SSBP2: variants seen among roughly 807,000 people sequenced by gnomAD.
SSBP2 encodes the protein single-stranded DNA-binding protein 2.
In SSBP2, 17 loss-of-function variants were observed where a neutral mutation model predicts 61.8. That is an observed-to-expected ratio of 0.28 (90% CI 0.19 to 0.41). The LOEUF (loss-of-function observed/expected upper bound fraction) is 0.41. Ranked by LOEUF, SSBP2 falls within the 10% of genes least tolerant of loss-of-function variation. The pLI is 1.00. For synonymous variants in SSBP2, 139 were observed against 141.3 expected, an observed-to-expected ratio of 0.98 and a Z score of 0.12; for missense variants, 310 against 458.7, an observed-to-expected ratio of 0.68 and a Z score of 2.96.
chr5:81,687,201 C>CA (rs1752878809), intron 1 of SSBP2, among the ~76,000 whole-genome samples: 1 of 152,230 alleles, frequency 6.6e-6, no homozygotes, highest in South Asian at 2.1e-4. Context: ...AGGGAGAGCA[C>CA]AGTGACTGTG....
intron 5 of SSBP2, among the ~76,000 whole-genome samples, chr5:81,500,847 A>G (rs1299651079): frequency 6.6e-6 from 1 of 152,122 alleles, no homozygotes; most frequent in Non-Finnish European, 1.5e-5. Context: ...GACTAATGCT[A>G]AAAGTATAAA....
chr5:81,548,967 T>C (rs1277355042), intron 4 of SSBP2, among the ~76,000 whole-genome samples: 6 of 152,188 alleles, frequency 3.9e-5, no homozygotes, highest in Admixed American at 3.9e-4. Context: ...TTTCATAAAC[T>C]GAAATTTTAT....
rs370326288 is a variant in SSBP2, at chr5:81,423,994, C to T, written c.1057-3461G>A. Among the ~76,000 whole-genome samples the T allele has an allele frequency of 7.9e-5, 12 of 152,172 alleles. No individual in the cohort carries two copies. The East Asian group carries it at 1.5e-3, about 20-fold the overall frequency. On this transcript the variant is annotated intron_variant, in intron 16 of 16. Transcript: ENST00000320672. ...AAGTCAATCTTACAGAAAAATGATACTTTGTTACTGATTTGTTGGGAAGTT... is the reference window on the plus strand; with the variant it reads ...AAGTCAATCTTACAGAAAAATGATATTTTGTTACTGATTTGTTGGGAAGTT...
intron 1 of SSBP2, among the ~76,000 whole-genome samples, chr5:81,695,124 G>GT (rs1174446131): frequency 6.6e-6 from 1 of 152,148 alleles, no homozygotes; most frequent in Non-Finnish European, 1.5e-5. Context: ...AAATGCCACT[G>GT]TAACAGATTT....
At chr5:81,746,535 T>G (rs141182267) in intron 1 of SSBP2, among the ~76,000 whole-genome samples, 1 of 152,224 alleles carries the variant, frequency 6.6e-6, no homozygotes, top group Non-Finnish European at 1.5e-5. Flanking sequence ...GGGGAATGCT[T>G]TAATTACTTT....
rs937381201 is a variant in SSBP2, at chr5:81,593,888, T to G, written c.282+21585A>C. ...ACTGGTACCAGCCACTGCAAAAACT[T>G]GCCAAATTGTAAAGACCATCAAGGC... On this transcript the variant is annotated intron_variant, in intron 4 of 16. Coordinates refer to ENST00000320672, the MANE Select transcript of SSBP2 (RefSeq NM_012446.5). 2.7e-4 allele frequency among the ~76,000 whole-genome samples: 41 copies of G among 152,190 alleles called. 1 individual carries two copies. The highest frequency in any genetic ancestry group is 2.2e-4 in the Non-Finnish European group (15 of 68,034).
intron 4 of SSBP2, among the ~76,000 whole-genome samples, chr5:81,529,394 A>G (rs940778121): frequency 6.6e-5 from 10 of 152,192 alleles, no homozygotes; most frequent in Non-Finnish European, 1.5e-4. Context: ...AGAAACTTGC[A>G]TATTTATGCC....
At position 81,739,164 on chromosome 5, in the gene SSBP2, C is replaced by CAAAA. The variant is rs71000859; in HGVS notation, c.62+11813_62+11816dup. On this transcript the variant is annotated intron_variant, in intron 1 of 16. Coordinates refer to ENST00000320672, the MANE Select transcript of SSBP2 (RefSeq NM_012446.5). ...TGGTGACAGAGTGAGACTCCATCTC[C>CAAAA]AAAAAAAAAAAAAAAAAAAAAAAAA... Among the ~76,000 whole-genome samples, 240 of 51,082 alleles carry CAAAA rather than the reference C, an allele frequency of 4.7e-3. 9 individuals carry two copies. Among genetic ancestry groups the CAAAA allele is most frequent in the African/African-American group, 0.012 (173 of 13,998 alleles). 33.5% of individuals were successfully genotyped at this position (51,082 alleles called of 152,430 possible).
At position 81,501,279 on chromosome 5, in the gene SSBP2, ACACATG is replaced by A. The variant is rs1249760111; in HGVS notation, c.373-11976_373-11971del. Among the ~76,000 whole-genome samples the A allele has an allele frequency of 4.8e-5, 6 of 125,854 alleles. No individual in the cohort carries two copies. The South Asian group carries it at 1.3e-3, about 27-fold the overall frequency. The allele number at this position is 125,854 out of a possible 152,430, so 82.6% of individuals were successfully genotyped here. A position where few individuals can be genotyped will look rare whatever the true frequency, so the allele number is the denominator to read the frequency against. The stretch of plus-strand genomic sequence containing the variant: ...TATATATATATATATACACACACAC[ACACATG>A]CACATACACCCACACACATGCATAC... On this transcript the variant is annotated intron_variant, in intron 5 of 16. Transcript: ENST00000320672.
chr5:81,708,495 G>A (rs566235803), intron 1 of SSBP2, among the ~76,000 whole-genome samples: 3 of 152,010 alleles, frequency 2.0e-5, no homozygotes, highest in South Asian at 2.1e-4. Flanking sequence ...TGACCAATGC[G>A]TCATGTTAGA....
chr5:81,587,372 A>G lies in SSBP2; in HGVS notation c.282+28101T>C, dbSNP rs188455918. 1.9e-4 allele frequency among the ~76,000 whole-genome samples: 29 copies of G among 152,346 alleles called. 1 individual carries two copies. The highest frequency in any genetic ancestry group is 1.6e-3 in the Admixed American group (24 of 15,310). On this transcript the variant is annotated intron_variant, in intron 4 of 16. Transcript: ENST00000320672. ...GCAAACAAAAAAGAAAGATTTTACCATAACAACTAAGCCAAATTTAGAAAA... is the reference window on the plus strand; with the variant it reads ...GCAAACAAAAAAGAAAGATTTTACCGTAACAACTAAGCCAAATTTAGAAAA...
chr5:81,445,150 ATATATATATATATATATATATATATATG>A (rs1319782527), intron 12 of SSBP2, among the ~76,000 whole-genome samples: 15 of 75,318 alleles, frequency 2.0e-4, no homozygotes, highest in Middle Eastern at 5.7e-3. Context: ...ATATATATAT[ATATATATATATATATATATATATATATG>A]TATGTATTTA....
chr5:81,588,788 G>A (rs975212348), intron 4 of SSBP2, among the ~76,000 whole-genome samples: 10 of 152,148 alleles, frequency 6.6e-5, no homozygotes, highest in Admixed American at 2.6e-4. Context: ...TAATGGGCCC[G>A]TGCAGTGGTC....
intron 13 of SSBP2, among the ~76,000 whole-genome samples, chr5:81,441,040 C>T (rs1762998871): frequency 6.6e-6 from 1 of 152,148 alleles, no homozygotes. Context: ...AATTCAATGT[C>T]ATTATGACAA....
At chr5:81,623,362 G>T (rs1581192180) in intron 3 of SSBP2, among the ~76,000 whole-genome samples, 1 of 132,644 alleles carries the variant, frequency 7.5e-6, no homozygotes, top group Non-Finnish European at 1.5e-5. Flanking sequence ...TTGAGACGGA[G>T]TCTCGCTCTG....
At chr5:81,450,459 T>C (rs1323828238) in intron 10 of SSBP2, among the ~76,000 whole-genome samples, 1 of 152,232 alleles carries the variant, frequency 6.6e-6, no homozygotes, top group Non-Finnish European at 1.5e-5. Flanking sequence ...CCTATCATCA[T>C]TCTTAAGCAA....
At chr5:81,748,251 C>A (rs1008944899) in intron 1 of SSBP2, among the ~76,000 whole-genome samples, 1 of 152,076 alleles carries the variant, frequency 6.6e-6, no homozygotes, top group Admixed American at 6.5e-5. Flanking sequence ...GTATTTGTTA[C>A]AGAAACAAAT....
chr5:81,531,350 T>TA (rs992516380), intron 4 of SSBP2, among the ~76,000 whole-genome samples: 4 of 150,274 alleles, frequency 2.7e-5, no homozygotes, highest in East Asian at 2.0e-4. Flanking sequence ...TCAGTTAAAC[T>TA]AAAAAAAAAT....
intron 3 of SSBP2, among the ~76,000 whole-genome samples, chr5:81,629,414 C>A (rs1191152585): frequency 6.6e-6 from 1 of 152,240 alleles, no homozygotes; most frequent in Middle Eastern, 3.2e-3. Flanking sequence ...ACTTCATAAT[C>A]TGTCCCCTGC....
Sources: allele counts gnomAD v4.1 joint callset (sites outside exome capture counted in the v4.1 genomes callset), GRCh38; gene constraint gnomAD v4.1.1; transcripts MANE v1.5; gene names NCBI Gene and HGNC (gene_info 2026-07-23, HGNC 2026-07-21).